Variants in ZNF487 observed in about 807,000 individuals in gnomAD.
The protein encoded by ZNF487 is zinc finger protein 487, also known as KRAB domain only 1.
ZNF487 carries 4 observed loss-of-function variants against 3.0 expected under a neutral mutation model. That is an observed-to-expected ratio of 1.35 (90% CI 0.66 to 3.08). ZNF487 has a LOEUF of 3.08. Ranked by LOEUF, ZNF487 falls within the 30% of genes most tolerant of loss-of-function variation. The probability of loss-of-function intolerance (pLI) is 0.01; values close to 1 mark genes in which losing one functional copy is unlikely to be tolerated. For synonymous variants in ZNF487, 55 were observed against 34.6 expected (o/e 1.59, Z -2.06); for missense variants, 146 against 98.7 (o/e 1.48, Z -2.03).
intron 1 of ZNF487, among the ~76,000 whole-genome samples, chr10:43,466,196 G>GACCGTAGGGAGAGGGAGAGGGAA (rs371623517): frequency 6.7e-6 from 1 of 149,278 alleles, no homozygotes; most frequent in Non-Finnish European, 1.5e-5. Flanking sequence ...GGGAGAGGGA[G>GACCGTAGGGAGAGGGAGAGGGAA]AGGGAGCTGG....
the ZNF487 span, among the ~76,000 whole-genome samples, chr10:43,493,232 AAAAC>A: frequency 3.3e-5 from 5 of 152,136 alleles, no homozygotes; most frequent in Non-Finnish European, 4.4e-5. Flanking sequence ...CTCCTTCTCA[AAAAC>A]AAACAAACAA....
upstream of ZNF487, chr10:43,436,866 C>G (rs1168048841): frequency 4.3e-6 from 2 of 468,556 alleles, no homozygotes; most frequent in East Asian, 7.0e-5. Context: ...GGACGCCCAG[C>G]CGCGGTCCCA....
At chr10:43,479,972 T>TTCTTTTCC (rs1804608517) in intron 3 of ZNF487, among the ~76,000 whole-genome samples, 1 of 32,452 alleles carries the variant, frequency 3.1e-5, no homozygotes, top group African/African-American at 7.7e-5. Context: ...CTTTCTTTCT[T>TTCTTTTCC]TTCTTTCTTT....
chr10:43,449,813 C>T (rs59806733), intron 1 of ZNF487, among the ~76,000 whole-genome samples: 4,340 of 151,068 alleles, frequency 0.029, 160 homozygotes, highest in East Asian at 0.17. Flanking sequence ...CCAAGTAGCT[C>T]GAATTACAGG....
the ZNF487 span, among the ~76,000 whole-genome samples, chr10:43,513,630 T>G: frequency 6.6e-6 from 1 of 152,166 alleles, no homozygotes; most frequent in East Asian, 1.9e-4. Context: ...GGCTTTCATT[T>G]GGCCTTTACC....
intron 3 of ZNF487, among the ~76,000 whole-genome samples, chr10:43,479,102 C>CAT (rs1009747135): frequency 4.4e-5 from 4 of 90,256 alleles, no homozygotes; most frequent in African/African-American, 1.3e-4. Flanking sequence ...TATATACACA[C>CAT]ATATATACAC....
At chr10:43,459,216 A>G (rs1840329981) in intron 1 of ZNF487, among the ~76,000 whole-genome samples, 1 of 151,602 alleles carries the variant, frequency 6.6e-6, no homozygotes, top group Admixed American at 6.6e-5. Flanking sequence ...CAAGGTATCC[A>G]GTCTTTTTCT....
the ZNF487 span, among the ~76,000 whole-genome samples, chr10:43,511,779 G>T: frequency 6.6e-6 from 1 of 152,120 alleles, no homozygotes; most frequent in Non-Finnish European, 1.5e-5. Context: ...TCCACGGAAC[G>T]GGTCATCCTA....
At chr10:43,461,536 G>T (rs1437060756) in intron 1 of ZNF487, among the ~76,000 whole-genome samples, 35 of 151,888 alleles carry the variant, frequency 2.3e-4, no homozygotes, top group Non-Finnish European at 2.9e-5. Flanking sequence ...GCCCAGGCTG[G>T]TCTTGAACTC....
chr10:43,460,774 C>T (rs956146160), intron 1 of ZNF487, among the ~76,000 whole-genome samples: 2 of 151,738 alleles, frequency 1.3e-5, no homozygotes, highest in South Asian at 2.1e-4. Flanking sequence ...CTTACTGCAA[C>T]CTTTGCCTCC....
chr10:43,503,140 T>C, the ZNF487 span, among the ~76,000 whole-genome samples: 1 of 152,038 alleles, frequency 6.6e-6, no homozygotes, highest in African/African-American at 2.4e-5. Flanking sequence ...TGTGTGTTAA[T>C]TGCCCTTGAA....
chr10:43,473,626 C>T (rs1056685905), intron 1 of ZNF487, among the ~76,000 whole-genome samples: 6 of 152,024 alleles, frequency 3.9e-5, no homozygotes, highest in Non-Finnish European at 7.4e-5. Context: ...TCACGCCATT[C>T]TCCTGCCTCA....
At chr10:43,447,930 T>A (rs1457820792) in intron 1 of ZNF487, among the ~76,000 whole-genome samples, 6 of 152,240 alleles carry the variant, frequency 3.9e-5, no homozygotes, top group African/African-American at 1.4e-4. Context: ...TCTCATTTGT[T>A]TCCTATCTCT....
In ZNF487 at chr10:43,482,784, T is replaced by G. The variant is rs1284883811; in HGVS notation, c.*862T>G. ...ATGTCAAAAATCCTTCTCTGTGAAG[T>G]CAAAACTTAGAGAACATCAGAGAAT... On this transcript the variant is annotated 3_prime_UTR_variant, in exon 4 of 4. Transcript: ENST00000437590. 4.1e-6 allele frequency: 2 copies of G among 492,644 alleles called. No homozygotes were observed. Among genetic ancestry groups the G allele is most frequent in the Non-Finnish European group, 8.3e-6 (2 of 241,586 alleles). 30.5% of individuals were successfully genotyped at this position (492,644 alleles called of 1,614,324 possible). A position where few individuals can be genotyped will look rare whatever the true frequency, so the allele number is the denominator to read the frequency against.
In ZNF487 at chr10:43,447,171, G is replaced by A. The variant is rs373891180; in HGVS notation, c.-94+9909G>A. On this transcript the variant is annotated intron_variant, in intron 1 of 3. Coordinates refer to ENST00000437590, the MANE Select transcript of ZNF487 (RefSeq NM_001355444.3). The stretch of plus-strand genomic sequence containing the variant: ...CCAGCAGAGGGAGACGGTGGAAAGC[G>A]GGAGACGGAGATGAGGGAGAGGGGG... 3.2e-4 allele frequency among the ~76,000 whole-genome samples: 48 copies of A among 152,158 alleles called. No individual in the cohort carries two copies. The East Asian group carries it at 7.7e-3, about 25-fold the overall frequency.
intron 1 of ZNF487, among the ~76,000 whole-genome samples, chr10:43,443,362 C>T (rs930676534): frequency 6.7e-6 from 1 of 150,148 alleles, no homozygotes; most frequent in Non-Finnish European, 1.5e-5. Context: ...TCCTGCTGGG[C>T]CTAGTTTTTG....
intron 1 of ZNF487, among the ~76,000 whole-genome samples, chr10:43,464,133 T>C (rs1040872863): frequency 3.3e-5 from 5 of 151,962 alleles, no homozygotes; most frequent in African/African-American, 1.2e-4. Context: ...AAATTAGGCC[T>C]CTTGTGCCGA....
chr10:43,480,064 G>GCTTC (rs1314606439), intron 3 of ZNF487, among the ~76,000 whole-genome samples: 13 of 122,356 alleles, frequency 1.1e-4, no homozygotes, highest in Admixed American at 1.8e-4. Flanking sequence ...TTTCTTCCTT[G>GCTTC]CTTCCTTCCT....
chr10:43,437,870 A>T (rs1227874952), intron 1 of ZNF487, among the ~76,000 whole-genome samples: 3 of 149,602 alleles, frequency 2.0e-5, no homozygotes, highest in East Asian at 2.0e-4. Flanking sequence ...TTTATTTATA[A>T]ATAGAAACAG....
Sources: gnomAD v4.1 joint callset for allele counts (sites outside exome capture counted in the v4.1 genomes callset) on GRCh38, gnomAD v4.1.1 for gene constraint, MANE v1.5 for transcripts, NCBI Gene and HGNC (gene_info 2026-07-23, HGNC 2026-07-21) for gene names.